The following CNTN1 variants were observed in gnomAD, a reference collection of about 807,000 sequenced individuals.
CNTN1 encodes contactin-1.
Under a neutral mutation model 126.4 loss-of-function variants are expected in CNTN1, and 38 were observed. The ratio of observed to expected loss-of-function variants is 0.30; its 90% CI spans 0.23 to 0.39. The LOEUF (loss-of-function observed/expected upper bound fraction) is 0.39, where lower values mean the gene tolerates loss of function less well. Among genes scored for constraint, CNTN1 ranks in the 10% least tolerant of loss-of-function variants. The pLI, the probability that CNTN1 is intolerant of heterozygous loss-of-function variation, is 1.00. For synonymous variants in CNTN1, 413 were observed against 422.6 expected, an observed-to-expected ratio of 0.98 and a Z score of 0.28; for missense variants, 1,009 against 1,248.4, an observed-to-expected ratio of 0.81 and a Z score of 2.89.
Position 40,957,092 on chromosome 12 carries a change from T to A in CNTN1, c.1684-2022T>A, listed in dbSNP as rs1946913579. 2.6e-5 allele frequency among the ~76,000 whole-genome samples: 4 copies of A among 151,898 alleles called. No individual in the cohort carries two copies. The South Asian group carries it at 6.2e-4, about 24-fold the overall frequency. ...TTTGAGGAAGGAAAGCCAAATGCTA[T>A]CAAGAAGTCAAATAAGATGAGCTGA... On this transcript the variant is annotated intron_variant, in intron 14 of 23. Coordinates refer to ENST00000551295, the MANE Select transcript of CNTN1 (RefSeq NM_001843.4).
chr12:41,021,267 C>T (rs571317066), intron 20 of CNTN1, among the ~76,000 whole-genome samples: 18 of 152,032 alleles, frequency 1.2e-4, no homozygotes, highest in South Asian at 2.1e-4. Context: ...ATTCAAAGTT[C>T]GGGGTTTTAT....
At chr12:40,774,717 T>C (rs1456320840) in intron 1 of CNTN1, among the ~76,000 whole-genome samples, 2 of 151,542 alleles carry the variant, frequency 1.3e-5, no homozygotes, top group African/African-American at 4.8e-5. Context: ...TTGAATCTTC[T>C]TGCACTAAGA....
chr12:41,016,556 C>T, intron 18 of CNTN1, 126 bp from the exon 19 acceptor site: 1 of 697,934 alleles, frequency 1.4e-6, no homozygotes, highest in Non-Finnish European at 2.6e-6. Context: ...TTGGAACCAG[C>T]ACTAATGTAT....
intron 17 of CNTN1, among the ~76,000 whole-genome samples, chr12:41,013,541 A>T (rs563840273): frequency 1.3e-5 from 2 of 152,274 alleles, no homozygotes; most frequent in South Asian, 2.1e-4. Flanking sequence ...TACAAAAAAA[A>T]AAATAGCCAT....
At chr12:40,755,507 GT>G (rs1218802386) in intron 1 of CNTN1, among the ~76,000 whole-genome samples, 1 of 151,784 alleles carries the variant, frequency 6.6e-6, no homozygotes, top group Non-Finnish European at 1.5e-5. Flanking sequence ...GGGGCCGGGA[GT>G]TTGGGATCAG....
Position 40,925,408 on chromosome 12 carries a change from G to GT in CNTN1, c.496+757dup, listed in dbSNP as rs1426736928. On this transcript the variant is annotated intron_variant, in intron 6 of 23. Transcript: ENST00000551295. The stretch of plus-strand genomic sequence containing the variant: ...TAAACATCTCCATAGAGAATGAAAC[G>GT]TAACAGGCTTTTAAACTCCATACAG... Among the ~76,000 whole-genome samples, 23 of 151,160 alleles carry GT rather than the reference G, an allele frequency of 1.5e-4. No individual in the cohort carries two copies. The East Asian group carries it at 4.5e-3, about 29-fold the overall frequency.
chr12:40,805,426 G>A (rs1057178447), intron 1 of CNTN1, among the ~76,000 whole-genome samples: 1 of 151,880 alleles, frequency 6.6e-6, no homozygotes. Context: ...AATGTTTCCT[G>A]AGCTGTATCA....
intron 20 of CNTN1, among the ~76,000 whole-genome samples, chr12:41,024,563 A>C (rs1592421712): frequency 1.3e-5 from 2 of 152,274 alleles, no homozygotes; most frequent in East Asian, 3.9e-4. Flanking sequence ...TAATTTCTAC[A>C]GTTTATCCAG....
intron 1 of CNTN1, among the ~76,000 whole-genome samples, chr12:40,857,494 A>C (rs1389491997): frequency 6.6e-6 from 1 of 152,040 alleles, no homozygotes; most frequent in Non-Finnish European, 1.5e-5. Flanking sequence ...TGGGGTTAGA[A>C]ACATTTATAC....
At chr12:41,009,566 A>G (rs2120684645) in intron 17 of CNTN1, among the ~76,000 whole-genome samples, 1 of 152,276 alleles carries the variant, frequency 6.6e-6, no homozygotes, top group Non-Finnish European at 1.5e-5. Flanking sequence ...CTTCCTATGG[A>G]AAGGCTGTGA....
intron 23 of CNTN1, among the ~76,000 whole-genome samples, chr12:41,069,502 T>A (rs1313423675): frequency 6.6e-6 from 1 of 152,292 alleles, no homozygotes; most frequent in Admixed American, 6.5e-5. Context: ...TTGTTACATA[T>A]GTATACAAGT....
chr12:40,977,381 A>T (rs185387564), intron 15 of CNTN1, among the ~76,000 whole-genome samples: 3 of 152,250 alleles, frequency 2.0e-5, no homozygotes, highest in Admixed American at 2.0e-4. Context: ...TAATTCCCAA[A>T]GGGAGGAGGG....
At chr12:40,787,938 G>C (rs571960090) in intron 1 of CNTN1, among the ~76,000 whole-genome samples, 2 of 152,230 alleles carry the variant, frequency 1.3e-5, no homozygotes, top group East Asian at 3.9e-4. Flanking sequence ...GTGTTAAACA[G>C]AATTGGTTTG....
chr12:40,876,026 C>G (rs1055025654), intron 1 of CNTN1, among the ~76,000 whole-genome samples: 1 of 151,648 alleles, frequency 6.6e-6, no homozygotes, highest in Non-Finnish European at 1.5e-5. Flanking sequence ...TTTTTTATCT[C>G]CAATAATGAT....
intron 14 of CNTN1, 30 bp downstream of exon 14, chr12:40,944,200 A>G: frequency 6.5e-7 from 1 of 1,549,410 alleles, no homozygotes; most frequent in South Asian, 1.1e-5. Context: ...TCTTATTAAC[A>G]CCCCAGTGAT....
At chr12:40,923,732 A>G (rs144316696) in intron 5 of CNTN1, among the ~76,000 whole-genome samples, 8 of 152,294 alleles carry the variant, frequency 5.3e-5, no homozygotes, top group Admixed American at 4.6e-4. Flanking sequence ...CAAGTAAGCT[A>G]TTGAGGATAG....
At chr12:40,994,600 T>C (rs1013381754) in intron 17 of CNTN1, among the ~76,000 whole-genome samples, 2 of 152,072 alleles carry the variant, frequency 1.3e-5, no homozygotes, top group African/African-American at 4.8e-5. Context: ...TACAAACATA[T>C]GCAGCTCTAG....
intron 1 of CNTN1, among the ~76,000 whole-genome samples, chr12:40,878,306 TAA>T (rs200512380): frequency 2.1e-5 from 3 of 143,072 alleles, no homozygotes; most frequent in African/African-American, 2.6e-5. Flanking sequence ...AAGAAACAAT[TAA>T]AAAAAAAAAA....
rs1056506124 is a variant in CNTN1, at chr12:40,929,991, C to T, written c.692C>T (p.Pro231Leu). The T allele has an allele frequency of 1.2e-5, 19 of 1,607,664 alleles. No homozygotes were observed. The highest frequency in any genetic ancestry group is 1.6e-5 in the Non-Finnish European group (19 of 1,174,618). ...SVFSKFIPLI[P>L]IPERTTKPYP... is the part of the protein sequence containing the mutation. ...TTCAGCAAATTCATCCCACTCATTC[C>T]AATACCTGAACGTAAGTATTTTATT... Residue 231 changes from proline to leucine, a missense_variant, in exon 7 of 24, where the codon CCA (proline) becomes CTA (leucine). Physicochemically the swap from Pro to Leu is moderately conservative, Grantham distance 98. Coordinates refer to ENST00000551295, the MANE Select transcript of CNTN1 (RefSeq NM_001843.4).
Sources: allele counts gnomAD v4.1 joint callset (sites outside exome capture counted in the v4.1 genomes callset), GRCh38; gene constraint gnomAD v4.1.1; transcripts MANE v1.5; gene names NCBI Gene and HGNC (gene_info 2026-07-23, HGNC 2026-07-21).